The following CFTR variants were observed in gnomAD, a reference collection of about 807,000 sequenced individuals.
CFTR encodes the protein CF transmembrane conductance regulator, also known as cystic fibrosis transmembrane conductance regulator.
Under a neutral mutation model 171.6 loss-of-function variants are expected in CFTR, and 181 were observed. The ratio of observed to expected loss-of-function variants is 1.05; its 90% confidence interval spans 0.93 to 1.19. The LOEUF is 1.19. Among genes scored for constraint, CFTR ranks in the 50% most tolerant of loss-of-function variants. The probability of loss-of-function intolerance (pLI) is 0.00; values close to 1 mark genes in which losing one functional copy is unlikely to be tolerated. For missense variants in CFTR, 1,968 were observed against 1,734.7 expected (o/e 1.13, Z -2.39); for synonymous variants, 583 against 608.0 (o/e 0.96, Z 0.60).
chr7:117,536,308 G>A (rs1011051500), intron 6 of CFTR, among the ~76,000 whole-genome samples: 6 of 152,080 alleles, frequency 3.9e-5, no homozygotes, highest in South Asian at 2.1e-4. Flanking sequence ...GATACCCACC[G>A]CTCATAGGCT....
intron 15 of CFTR, among the ~76,000 whole-genome samples, chr7:117,600,473 T>A (rs1562910723): frequency 6.6e-6 from 1 of 152,054 alleles, no homozygotes; most frequent in African/African-American, 2.4e-5. Context: ...TAAGAATATG[T>A]CATAGAACTG....
intron 11 of CFTR, among the ~76,000 whole-genome samples, chr7:117,584,432 C>A (rs2116008392): frequency 6.6e-6 from 1 of 151,944 alleles, no homozygotes; most frequent in African/African-American, 2.4e-5. Flanking sequence ...ATAGGGTATC[C>A]TGTCCCCACT....
In CFTR at chr7:117,627,527, A is replaced by G; in HGVS notation, c.3474A>G (p.Arg1158=). The G allele has an allele frequency of 1.2e-6, 2 of 1,613,148 alleles. No individual in the cohort carries two copies. The highest frequency in any genetic ancestry group is 2.2e-5 in the South Asian group (2 of 91,058). ...TGTTGTTATTTTTATTTCAGATGCG[A>G]TCTGTGAGCCGAGTCTTTAAGTTCA... The part of the protein sequence containing the change: ...NSSIDVDSLM[R]SVSRVFKFID... The change falls in exon 22 of 27, where the codon CGA becomes CGG. Residue 1158 remains arginine, a synonymous_variant. Coordinates refer to ENST00000003084, the MANE Select transcript of CFTR (RefSeq NM_000492.4).
rs74433266 is a variant in CFTR, at chr7:117,498,769, A to G, written c.54-5484A>G. ...TAGAAGTTTGGGATTTATGATCACA[A>G]TCTTTTCCAATGAGTCCCCTCTTTC... On this transcript the variant is annotated intron_variant, in intron 1 of 26. Transcript: ENST00000003084. Among the ~76,000 whole-genome samples the G allele has an allele frequency of 1.5e-3, 222 of 151,724 alleles. 4 individuals are homozygous for G. In the East Asian group the frequency reaches 0.035, roughly 24 times the overall value.
chr7:117,636,616 T>C (rs1562921666), intron 22 of CFTR, among the ~76,000 whole-genome samples: 1 of 152,264 alleles, frequency 6.6e-6, no homozygotes, highest in East Asian at 1.9e-4. Context: ...GTTGGAAGTT[T>C]CTATTGACAT....
At chr7:117,618,894 C>T (rs1792532295) in intron 21 of CFTR, among the ~76,000 whole-genome samples, 1 of 152,130 alleles carries the variant, frequency 6.6e-6, no homozygotes, top group Non-Finnish European at 1.5e-5. Context: ...TTAATAATTC[C>T]TATTGGAACA....
chr7:117,592,279 A>G lies in CFTR; in HGVS notation c.2112A>G (p.Pro704=), dbSNP rs926782023. The change falls in exon 14 of 27, where the codon CCA becomes CCG. Residue 704 remains proline (P), a synonymous_variant. Coordinates refer to ENST00000003084, the MANE Select transcript of CFTR (RefSeq NM_000492.4). ...AAAGGAAGAATTCTATTCTCAATCC[A>G]ATCAACTCTATACGAAAATTTTCCA... The part of the protein sequence containing the change: ...GEKRKNSILN[P]INSIRKFSIV... The G allele has an allele frequency of 6.2e-7, 1 of 1,613,944 alleles. No individual in the cohort carries two copies. Among genetic ancestry groups the G allele is most frequent in the Non-Finnish European group, 8.5e-7 (1 of 1,180,038 alleles).
chr7:117,513,056 C>G (rs994760284), intron 3 of CFTR, among the ~76,000 whole-genome samples: 2 of 152,038 alleles, frequency 1.3e-5, no homozygotes, highest in African/African-American at 2.4e-5. Context: ...AAGCCTACTG[C>G]TAATATGGGG....
intron 26 of CFTR, among the ~76,000 whole-genome samples, chr7:117,666,161 C>A (rs1376585545): frequency 1.3e-5 from 2 of 152,150 alleles, no homozygotes; most frequent in African/African-American, 4.8e-5. Context: ...GAATTCAAGA[C>A]CAGCCCAGGC....
intron 10 of CFTR, among the ~76,000 whole-genome samples, chr7:117,556,528 T>C (rs941814432): frequency 3.1e-5 from 4 of 127,534 alleles, no homozygotes; most frequent in African/African-American, 1.2e-4. Flanking sequence ...TTTTTTTTTT[T>C]TTTTTTTTTG....
chr7:117,571,500 G>C (rs1463400376), intron 11 of CFTR, among the ~76,000 whole-genome samples: 1 of 152,072 alleles, frequency 6.6e-6, no homozygotes, highest in African/African-American at 2.4e-5. Context: ...CATCTAAAAA[G>C]CTTTCAGAAA....
chr7:117,512,518 C>G (rs2116646247), intron 3 of CFTR, among the ~76,000 whole-genome samples: 1 of 151,416 alleles, frequency 6.6e-6, no homozygotes, highest in South Asian at 2.1e-4. Flanking sequence ...CCTGTGGTCC[C>G]AGCTACTTGG....
chr7:117,506,152 CT>C (rs1205609908), intron 2 of CFTR, among the ~76,000 whole-genome samples: 1 of 152,062 alleles, frequency 6.6e-6, no homozygotes, highest in Admixed American at 6.6e-5. Context: ...TGTAGCATTG[CT>C]GGAGAGATAA....
intron 3 of CFTR, among the ~76,000 whole-genome samples, chr7:117,529,905 C>G (rs947313835): frequency 5.3e-5 from 8 of 152,148 alleles, no homozygotes; most frequent in African/African-American, 1.9e-4. Flanking sequence ...GGGTTACCCT[C>G]TGATCCCTAT....
intron 10 of CFTR, among the ~76,000 whole-genome samples, chr7:117,550,440 G>T (rs904175724): frequency 1.3e-5 from 2 of 151,848 alleles, no homozygotes; most frequent in Non-Finnish European, 2.9e-5. Flanking sequence ...AGCTGGAATT[G>T]TGCATTTTTT....
At chr7:117,652,696 AT>A in intron 23 of CFTR, 145 bp from the exon 24 acceptor site, 1 of 540,858 alleles carries the variant, frequency 1.8e-6, no homozygotes, top group East Asian at 3.0e-5. Context: ...AAATATTAAA[AT>A]TTGAGAGAAC....
intron 11 of CFTR, among the ~76,000 whole-genome samples, chr7:117,581,314 G>C (rs905283682): frequency 6.6e-6 from 1 of 152,020 alleles, no homozygotes; most frequent in Admixed American, 6.6e-5. Flanking sequence ...TGCTTTTTGT[G>C]TACATCATCT....
intron 11 of CFTR, among the ~76,000 whole-genome samples, chr7:117,562,400 T>C (rs1475935747): frequency 6.6e-6 from 1 of 152,138 alleles, no homozygotes; most frequent in Non-Finnish European, 1.5e-5. Context: ...AAGATAATTA[T>C]AAAGATGGTC....
chr7:117,530,010 T>C (rs1798833463), intron 3 of CFTR, among the ~76,000 whole-genome samples: 1 of 152,182 alleles, frequency 6.6e-6, no homozygotes, highest in Admixed American at 6.5e-5. Context: ...CCTCCTGAGT[T>C]CAAAATCCCT....
Sources: gnomAD v4.1 joint callset for allele counts (sites outside exome capture counted in the v4.1 genomes callset) on GRCh38, gnomAD v4.1.1 for gene constraint, MANE v1.5 for transcripts, NCBI Gene and HGNC (gene_info 2026-07-23, HGNC 2026-07-21) for gene names.